Variants in TGM7 observed in about 807,000 individuals in gnomAD.
TGM7 encodes the protein transglutaminase 7, also known as protein-glutamine gamma-glutamyltransferase Z.
A neutral mutation model predicts 79.5 loss-of-function variants in TGM7; 74 were observed. The observed-to-expected ratio is 0.93, with a 90% CI of 0.77 to 1.13. The LOEUF is 1.13. Ranked by LOEUF, TGM7 falls within the 50% of genes most tolerant of loss-of-function variation. TGM7 has a pLI of 0.00. For synonymous variants in TGM7, 354 were observed against 362.5 expected (o/e 0.98, Z 0.27); for missense variants, 912 against 905.9 (o/e 1.01, Z -0.09).
At chr15:43,279,455 G>A (rs981753994) in intron 10 of TGM7, among the ~76,000 whole-genome samples, 170 bp downstream of exon 10, 8 of 152,198 alleles carry the variant, frequency 5.3e-5, no homozygotes, top group African/African-American at 1.7e-4. Context: ...GCTCCGTCTC[G>A]CCTGGTGGGG....
chr15:43,301,797 C>G (rs1431227020), intron 1 of TGM7, among the ~76,000 whole-genome samples: 1 of 151,972 alleles, frequency 6.6e-6, no homozygotes, highest in African/African-American at 2.4e-5. Flanking sequence ...GGCCTGAACT[C>G]AGGGGTGGGG....
In TGM7 at chr15:43,292,775, C is replaced by A. The variant is rs1374310542; in HGVS notation, c.373G>T (p.Gly125Cys). Reference protein sequence around the residue: ...HYTLKIEISQGQGHSVTYPLG... With the variant: ...HYTLKIEISQCQGHSVTYPLG... ...GGGTAAGTCACACTGTGACCTTGGC[C>A]CTGAGAGATCTCTATTTTCAGAGTG... The change falls in exon 3 of 13, where the codon GGC (glycine) becomes TGC (cysteine). Residue 125 changes from glycine (G) to cysteine (C), a missense_variant. Physicochemically the swap from Gly to Cys is radical, Grantham distance 159 (BLOSUM62 -3). Transcript: ENST00000452443. The A allele has an allele frequency of 1.2e-6, 2 of 1,614,084 alleles. No homozygotes were observed. The highest frequency in any genetic ancestry group is 1.7e-6 in the Non-Finnish European group (2 of 1,180,026).
intron 6 of TGM7, among the ~76,000 whole-genome samples, chr15:43,285,413 G>T (rs771627117): frequency 4.6e-5 from 7 of 152,186 alleles, no homozygotes; most frequent in Non-Finnish European, 7.4e-5. Flanking sequence ...GTGCATGCCT[G>T]CAGTTCCAGC....
Position 43,302,234 on chromosome 15 carries a change from T to G in TGM7, c.10+7A>C, listed in dbSNP as rs747901496. The G allele has an allele frequency of 3.7e-6, 6 of 1,614,012 alleles. No individual in the cohort carries two copies. The highest frequency in any genetic ancestry group is 3.3e-5 in the Admixed American group (2 of 59,978). On this transcript the variant is annotated splice_region_variant and intron_variant, in intron 1 of 12. Coordinates refer to ENST00000452443, the MANE Select transcript of TGM7 (RefSeq NM_052955.3). ...TCCGAAAAGGTAAGTCGATTCCCAG[T>G]ACTCACCCTGATCCATCTCCCTCCT...
intron 1 of TGM7, among the ~76,000 whole-genome samples, chr15:43,298,166 C>T (rs935826602): frequency 6.6e-6 from 1 of 152,132 alleles, no homozygotes; most frequent in Admixed American, 6.5e-5. Flanking sequence ...CTCCAGAGGC[C>T]GCCCCCTTAA....
At chr15:43,287,243 G>T (rs775500096) in intron 6 of TGM7, 37 bp downstream of exon 6, 50 of 1,592,194 alleles carry the variant, frequency 3.1e-5, no homozygotes, top group Non-Finnish European at 3.9e-5. Context: ...TGATAATGAA[G>T]TTAATCACAC....
In TGM7 at chr15:43,279,130, T is replaced by C. The variant is rs151155650; in HGVS notation, c.1826A>G (p.His609Arg). The C allele has an allele frequency of 5.0e-6, 8 of 1,613,466 alleles. No individual in the cohort carries two copies. The East Asian group carries it at 1.3e-4, about 27-fold the overall frequency. Residue 609 changes from histidine (H) to arginine (R), a missense_variant, in exon 11 of 13, where the codon CAC becomes CGC. His to Arg is a conservative substitution (Grantham distance 29). Coordinates refer to ENST00000452443, the MANE Select transcript of TGM7 (RefSeq NM_052955.3). ...TCCAGACACTACCTCAATAGACAAG[T>C]GGGGAGGCTCCAGACAGATATCTTT... ...VLKDICLEPP[H>R]LSIEVSERAE...
At chr15:43,281,795 A>G in intron 9 of TGM7, 49 bp downstream of exon 9, 1 of 1,598,846 alleles carries the variant, frequency 6.3e-7, no homozygotes, top group Non-Finnish European at 8.6e-7. Context: ...GCTAGGAAGC[A>G]TCACAAAGAA....
At chr15:43,289,856 T>C (rs1426152337) in intron 4 of TGM7, among the ~76,000 whole-genome samples, 1 of 152,226 alleles carries the variant, frequency 6.6e-6, no homozygotes, top group African/African-American at 2.4e-5. Flanking sequence ...GCTGCATAAA[T>C]GTCTTCTTTT....
chr15:43,285,051 C>T (rs751881926), intron 6 of TGM7, 99 bp from the exon 7 acceptor site: 24 of 1,430,450 alleles, frequency 1.7e-5, no homozygotes, highest in Non-Finnish European at 2.3e-5. Context: ...GAGAGAAAGC[C>T]AAGACGCTTA....
chr15:43,287,407 G>C lies in TGM7; in HGVS notation c.738C>G (p.Asp246Glu). The change falls in exon 6 of 13, where the codon GAC becomes GAG. Residue 246 changes from aspartate (D) to glutamate (E), a missense_variant. Physicochemically the swap from Asp to Glu is conservative, Grantham distance 45. Coordinates refer to ENST00000452443, the MANE Select transcript of TGM7 (RefSeq NM_052955.3). ...NGVLQGNWGE[D>E]YSKGVSPLEW... ...CCAGAGGACTGACCCCTTTGGAGTAGTCCTCGCCCCAGTTCCCCTGCAGCA... is the reference window on the plus strand; with the variant it reads ...CCAGAGGACTGACCCCTTTGGAGTACTCCTCGCCCCAGTTCCCCTGCAGCA... The C allele has an allele frequency of 6.2e-7, 1 of 1,614,150 alleles. No individual in the cohort carries two copies. The highest frequency in any genetic ancestry group is 2.2e-5 in the East Asian group (1 of 44,882).
chr15:43,278,270 G>A (rs1328087418), intron 11 of TGM7, among the ~76,000 whole-genome samples: 1 of 152,180 alleles, frequency 6.6e-6, no homozygotes, highest in Non-Finnish European at 1.5e-5. Context: ...AGAAAACGAG[G>A]CTTTCGGGAA....
Position 43,276,463 on chromosome 15 carries a change from C to T in TGM7, c.2125G>A (p.Ala709Thr), listed in dbSNP as rs1232488404. 3 of 1,612,398 alleles carry T rather than the reference C, an allele frequency of 1.9e-6. No homozygotes were observed. The highest frequency in any genetic ancestry group is 2.5e-6 in the Non-Finnish European group (3 of 1,179,124). ...YKDIFVTVAG[A>T]P ...CAGCTGGAGGGCGGGTCTCAGGGAG[C>T]CCCAGCCACAGTGACGAAGATGTCC... Residue 709 changes from alanine (A) to threonine (T), a missense_variant, in exon 13 of 13, where the codon GCT (alanine) becomes ACT (threonine). By Grantham distance (58) the Ala-to-Thr change is moderately conservative. Transcript: ENST00000452443.
chr15:43,294,500 C>T (rs2042982771), intron 1 of TGM7, among the ~76,000 whole-genome samples: 1 of 152,164 alleles, frequency 6.6e-6, no homozygotes, highest in African/African-American at 2.4e-5. Flanking sequence ...TTCATGTGGG[C>T]GTTAAGTGAG....
intron 4 of TGM7, 59 bp downstream of exon 4, chr15:43,291,920 T>TTG: frequency 8.1e-7 from 1 of 1,227,142 alleles, no homozygotes. Context: ...CATAACAGGG[T>TTG]TGTGTAAGGA....
At chr15:43,300,011 A>T (rs184263280) in intron 1 of TGM7, among the ~76,000 whole-genome samples, 12 of 152,270 alleles carry the variant, frequency 7.9e-5, no homozygotes, top group Non-Finnish European at 1.0e-4. Context: ...CTAGCCCATA[A>T]ATAAACTGCT....
intron 1 of TGM7, among the ~76,000 whole-genome samples, chr15:43,299,577 C>T (rs554329865): frequency 9.9e-5 from 15 of 152,184 alleles, no homozygotes; most frequent in Admixed American, 3.3e-4. Flanking sequence ...GAGGTTGGCA[C>T]GCTCTAGGTG....
intron 2 of TGM7, 56 bp downstream of exon 2, chr15:43,293,393 T>C: frequency 6.5e-7 from 1 of 1,529,102 alleles, no homozygotes; most frequent in Non-Finnish European, 8.8e-7. Flanking sequence ...AGGCAGACTC[T>C]GTAAATGCCC....
Position 43,279,715 on chromosome 15 carries a change from G to T in TGM7, c.1588C>A (p.Arg530Ser), listed in dbSNP as rs762936718. 2 of 1,613,778 alleles carry T rather than the reference G, an allele frequency of 1.2e-6. No homozygotes were observed. The highest frequency in any genetic ancestry group is 2.2e-5 in the South Asian group (2 of 91,088). ...TGCAGCAGGGCCTGTGCACAGAAGC[G>T]CACCACCAGTCCGATGGGCCCCCGA... ...HPRGPIGLVV[R>S]FCAQALLHGG... Residue 530 changes from arginine to serine, a missense_variant, in exon 10 of 13, where the codon CGC becomes AGC. Transcript: ENST00000452443.
Sources: gnomAD v4.1 joint callset for allele counts (sites outside exome capture counted in the v4.1 genomes callset) on GRCh38, gnomAD v4.1.1 for gene constraint, MANE v1.5 for transcripts, NCBI Gene and HGNC (gene_info 2026-07-23, HGNC 2026-07-21) for gene names.